TMEM165: variants seen among roughly 807,000 people sequenced by gnomAD.
TMEM165 encodes the protein transmembrane protein 165.
Under a neutral mutation model 30.0 loss-of-function variants are expected in TMEM165, and 19 were observed. The observed-to-expected ratio is 0.63, with a 90% CI of 0.44 to 0.93. The LOEUF (loss-of-function observed/expected upper bound fraction) is 0.93. Ranked by LOEUF, TMEM165 falls within the 40% of genes least tolerant of loss-of-function variation. The probability of loss-of-function intolerance (pLI) is 0.00; values close to 1 mark genes in which losing one functional copy is unlikely to be tolerated. For missense variants in TMEM165, 340 were observed against 417.0 expected (o/e 0.82, Z 1.61); for synonymous variants, 168 against 162.9 (o/e 1.03, Z -0.24).
rs762070504 is a variant in TMEM165 at position 55,425,371 on chromosome 4, T to C, written c.899-5T>C. 6.2e-7 allele frequency: 1 copy of C among 1,613,028 alleles called. No homozygotes were observed. Among genetic ancestry groups the C allele is most frequent in the Admixed American group, 1.7e-5 (1 of 60,006 alleles). On this transcript the variant is annotated splice_region_variant and splice_polypyrimidine_tract_variant and intron_variant, in intron 5 of 5. Transcript: ENST00000381334. ...TGTATTTGACTTTTTTTCTCTCTCT[T>C]CCAGTGACAATCATAGGAGGCATCG...
chr4:55,430,607 A>C (rs1722434177), downstream of TMEM165: 1 of 152,172 alleles, frequency 6.6e-6, no homozygotes, highest in Non-Finnish European at 1.5e-5. Flanking sequence ...TCTTTTTCTC[A>C]GTCCTTTTTG....
At chr4:55,450,892 C>G (rs542244290) in intron 3 of TMEM165, among the ~76,000 whole-genome samples, 4 of 152,240 alleles carry the variant, frequency 2.6e-5, no homozygotes, top group African/African-American at 9.6e-5. Context: ...GCCAACTACC[C>G]AGGAAGCTGA....
In TMEM165 at chr4:55,443,720, T is replaced by G. The variant is rs138667807; in HGVS notation, c.409-8519T>G. The G allele has an allele frequency of 3.7e-6, 6 of 1,614,042 alleles. No individual in the cohort carries two copies. The African/African-American group carries it at 5.3e-5, about 14-fold the overall frequency. ...ATGTACTCTGTAAAGTCTGTTGTTG[T>G]ATCATGTGCTGAGTTGTGCCAATGT... On this transcript the variant is annotated intron_variant, in intron 3 of 3. Transcript: ENST00000608091.
rs975023658 is a variant in TMEM165, at chr4:55,445,248, AG to A, written c.409-6989del. Among the ~76,000 whole-genome samples the A allele has an allele frequency of 6.0e-4, 41 of 68,332 alleles. 5 individuals carry two copies. The highest frequency in any genetic ancestry group is 1.5e-3 in the African/African-American group (39 of 26,804). 44.8% of individuals were successfully genotyped at this position (68,332 alleles called of 152,430 possible). ...TAGAGTTAAAAAGCTTTGGATGGGAAGGACATTTCTCACTTTTACATACACC... is the reference window on the plus strand; with the variant it reads ...TAGAGTTAAAAAGCTTTGGATGGGAAGACATTTCTCACTTTTACATACACC... On this transcript the variant is annotated intron_variant, in intron 3 of 3. Coordinates refer to the TMEM165 transcript ENST00000608091.
intron 5 of TMEM165, 152 bp downstream of exon 5, chr4:55,424,795 G>C (rs1722125069): frequency 1.7e-6 from 1 of 580,566 alleles, no homozygotes; most frequent in Non-Finnish European, 3.0e-6. Context: ...TCCTGGTATT[G>C]CAAATACGGA....
chr4:55,451,976 C>T (rs1406456352), intron 3 of TMEM165, among the ~76,000 whole-genome samples: 1 of 152,156 alleles, frequency 6.6e-6, no homozygotes, highest in Non-Finnish European at 1.5e-5. Context: ...CCCTGGAATG[C>T]TGCCTATTTA....
downstream of TMEM165, chr4:55,428,622 T>C: frequency 6.6e-6 from 1 of 152,194 alleles, no homozygotes; most frequent in Non-Finnish European, 1.5e-5. Context: ...GAAGTAAAAA[T>C]GATGAGCTAC....
At chr4:55,443,100 A>G (rs1423824195) in intron 3 of TMEM165, among the ~76,000 whole-genome samples, 1 of 152,194 alleles carries the variant, frequency 6.6e-6, no homozygotes, top group Non-Finnish European at 1.5e-5. Flanking sequence ...TGAGCAAGTC[A>G]TACCTTTTAA....
chr4:55,451,214 C>T (rs1034290212), intron 3 of TMEM165, among the ~76,000 whole-genome samples: 7 of 152,152 alleles, frequency 4.6e-5, no homozygotes, highest in African/African-American at 1.2e-4. Flanking sequence ...TGCTACTCCA[C>T]AAAATCTGTT....
At chr4:55,419,705 G>A (rs1721884889) in intron 4 of TMEM165, among the ~76,000 whole-genome samples, 1 of 151,896 alleles carries the variant, frequency 6.6e-6, no homozygotes, top group Non-Finnish European at 1.5e-5. Flanking sequence ...GTTTATATCA[G>A]ATTCTCTTTT....
chr4:55,452,982 TATTA>T (rs1724601799), exon 4 of TMEM165: 4 of 1,043,388 alleles, frequency 3.8e-6, no homozygotes, highest in East Asian at 2.6e-5. Context: ...ATAGTTTTCC[TATTA>T]ATTATTGAGT....
chr4:55,452,788 T>TA, exon 4 of TMEM165: 1 of 270,776 alleles, frequency 3.7e-6, no homozygotes, highest in East Asian at 7.5e-5. Context: ...TCATAATTCA[T>TA]ATAAATAACC....
chr4:55,423,244 A>G (rs372551508), intron 4 of TMEM165: 1 of 152,156 alleles, frequency 6.6e-6, no homozygotes, highest in Admixed American at 6.6e-5. Context: ...CATAAAGCCT[A>G]TCATTCATTT....
chr4:55,396,544 G>T lies in TMEM165; in HGVS notation c.207+148G>T. On this transcript the variant is annotated intron_variant, in intron 1 of 5. Transcript: ENST00000381334. ...CTCCCGGGGTGGAGGGCGGTCGGCTGCGCTGTTTTCCGGTGAGGCCTGGTC... is the reference window on the plus strand; with the variant it reads ...CTCCCGGGGTGGAGGGCGGTCGGCTTCGCTGTTTTCCGGTGAGGCCTGGTC... 4.6e-6 allele frequency: 3 copies of T among 656,094 alleles called. No homozygotes were observed. The South Asian group carries it at 8.1e-5, about 18-fold the overall frequency. The allele number at this position is 656,094 out of a possible 1,614,324, so 40.6% of individuals were successfully genotyped here.
intron 4 of TMEM165, among the ~76,000 whole-genome samples, chr4:55,422,052 T>G (rs552777272): frequency 6.6e-6 from 1 of 152,318 alleles, no homozygotes; most frequent in Non-Finnish European, 1.5e-5. Flanking sequence ...GGGAACCCAG[T>G]TTCTGGCCTC....
chr4:55,434,799 C>T (rs1248199247), intron 3 of TMEM165: 6 of 156,146 alleles, frequency 3.8e-5, no homozygotes, highest in Non-Finnish European at 8.6e-5. Flanking sequence ...GAAGAGATAA[C>T]GCTTTCATGC....
At chr4:55,405,086 C>T (rs7662129) in intron 1 of TMEM165, among the ~76,000 whole-genome samples, 3,360 of 152,120 alleles carry the variant, frequency 0.022, 134 homozygotes, top group African/African-American at 0.077. Context: ...TGAATAAAGA[C>T]ATTCTCTAAG....
chr4:55,422,072 G>A (rs1487648691), intron 4 of TMEM165, among the ~76,000 whole-genome samples: 1 of 152,082 alleles, frequency 6.6e-6, no homozygotes, highest in East Asian at 1.9e-4. Flanking sequence ...CACCAGGAAT[G>A]TTGTTGTGCT....
chr4:55,453,104 G>A (rs754673708), exon 4 of TMEM165: 3 of 1,612,640 alleles, frequency 1.9e-6, no homozygotes, highest in Admixed American at 1.7e-5. Flanking sequence ...AGTTCTCGTC[G>A]TCTTTCAGCC....
Sources: allele counts gnomAD v4.1 joint callset (sites outside exome capture counted in the v4.1 genomes callset), GRCh38; gene constraint gnomAD v4.1.1; transcripts MANE v1.5; gene names NCBI Gene and HGNC (gene_info 2026-07-23, HGNC 2026-07-21).